MOB3B: variants seen among roughly 807,000 people sequenced by gnomAD.
MOB3B encodes MOB kinase activator 3B, also known as MOB kinase activator-like 2B.
A neutral mutation model predicts 18.7 loss-of-function variants in MOB3B; 7 were observed. That is an observed-to-expected ratio of 0.37 (90% CI 0.21 to 0.70). MOB3B has a LOEUF of 0.70. Among genes scored for constraint, MOB3B ranks in the 30% least tolerant of loss-of-function variants. The probability of loss-of-function intolerance (pLI) is 0.52; values close to 1 mark genes in which losing one functional copy is unlikely to be tolerated. For missense variants in MOB3B, 253 were observed against 281.3 expected (o/e 0.90, Z 0.72); for synonymous variants, 111 against 99.9 (o/e 1.11, Z -0.66).
In MOB3B at chr9:27,326,174, T is replaced by C. The variant is rs539514899; in HGVS notation, c.*4413A>G. ...AGTTTGGAGAAGGCATGAAATAAGTTCTTTTCATGTTCACTGCTGGTCACA... is the reference window on the plus strand; with the variant it reads ...AGTTTGGAGAAGGCATGAAATAAGTCCTTTTCATGTTCACTGCTGGTCACA... On this transcript the variant is annotated 3_prime_UTR_variant, in exon 4 of 4. Transcript: ENST00000262244. The C allele has an allele frequency of 6.5e-6, 2 of 309,110 alleles. No homozygotes were observed. The highest frequency in any genetic ancestry group is 1.0e-4 in the Admixed American group (2 of 20,004). 19.1% of individuals were successfully genotyped at this position (309,110 alleles called of 1,614,324 possible). A position where few individuals can be genotyped will look rare whatever the true frequency, so the allele number is the denominator to read the frequency against.
chr9:27,397,318 AG>A (rs1344658997), intron 2 of MOB3B: 13 of 152,280 alleles, frequency 8.5e-5, no homozygotes, highest in African/African-American at 2.9e-4. Context: ...AAAAAAAAAA[AG>A]ATCATCAAGA....
intron 1 of MOB3B, among the ~76,000 whole-genome samples, chr9:27,488,524 C>T (rs1819765254): frequency 1.3e-5 from 2 of 152,224 alleles, no homozygotes; most frequent in African/African-American, 4.8e-5. Flanking sequence ...TCTCCTGCCT[C>T]AGCCTCCTGA....
At chr9:27,406,727 C>T (rs1166790073) in intron 2 of MOB3B, among the ~76,000 whole-genome samples, 1 of 152,086 alleles carries the variant, frequency 6.6e-6, no homozygotes, top group Non-Finnish European at 1.5e-5. Flanking sequence ...TCATCACATA[C>T]AAAAATCAAA....
intron 2 of MOB3B, among the ~76,000 whole-genome samples, chr9:27,398,075 G>A (rs1482258523): frequency 1.3e-5 from 2 of 152,172 alleles, no homozygotes; most frequent in Non-Finnish European, 2.9e-5. Flanking sequence ...AGGAATCCCA[G>A]ATCAGCATTC....
chr9:27,517,303 AT>A (rs1820250320), intron 1 of MOB3B, among the ~76,000 whole-genome samples: 1 of 152,194 alleles, frequency 6.6e-6, no homozygotes, highest in African/African-American at 2.4e-5. Context: ...GATGATGATG[AT>A]AACTATCATT....
chr9:27,484,072 C>T (rs923361575), intron 1 of MOB3B, among the ~76,000 whole-genome samples: 3 of 152,190 alleles, frequency 2.0e-5, no homozygotes, highest in Non-Finnish European at 2.9e-5. Flanking sequence ...GTTCTTCCTG[C>T]ATCTTTGAGG....
chr9:27,471,107 C>A (rs772775259), intron 1 of MOB3B, among the ~76,000 whole-genome samples: 4 of 152,096 alleles, frequency 2.6e-5, no homozygotes, highest in Non-Finnish European at 4.4e-5. Context: ...ACCTGGGGTG[C>A]AAGTTTAAAA....
intron 2 of MOB3B, among the ~76,000 whole-genome samples, chr9:27,370,030 C>T (rs556760340): frequency 6.7e-6 from 1 of 150,006 alleles, no homozygotes; most frequent in East Asian, 2.0e-4. Flanking sequence ...GCATCGAATG[C>T]ATAGCAGAAC....
At chr9:27,401,952 C>A (rs1203177702) in intron 2 of MOB3B, among the ~76,000 whole-genome samples, 1 of 152,134 alleles carries the variant, frequency 6.6e-6, no homozygotes, top group South Asian at 2.1e-4. Flanking sequence ...AACAGCCTAG[C>A]GCATAATGTG....
chr9:27,526,870 T>A (rs568361729), intron 1 of MOB3B, among the ~76,000 whole-genome samples: 1 of 152,260 alleles, frequency 6.6e-6, no homozygotes, highest in Non-Finnish European at 1.5e-5. Context: ...ATATAAAATG[T>A]GAGTGGAGTG....
At chr9:27,347,620 G>C (rs1035835735) in intron 3 of MOB3B, among the ~76,000 whole-genome samples, 4 of 152,220 alleles carry the variant, frequency 2.6e-5, no homozygotes, top group African/African-American at 9.7e-5. Flanking sequence ...GATTCTGGGA[G>C]AAGGTATAGG....
At chr9:27,413,487 G>A (rs1031211409) in intron 2 of MOB3B, among the ~76,000 whole-genome samples, 1 of 152,162 alleles carries the variant, frequency 6.6e-6, no homozygotes, top group Non-Finnish European at 1.5e-5. Context: ...GTTGCATTTT[G>A]GTTGCTGCAC....
rs745368772 is a variant in MOB3B, at chr9:27,455,259, A to C, written c.292T>G (p.Tyr98Asp). Residue 98 changes from tyrosine to aspartate, a missense_variant, in exon 2 of 4, where the codon TAT becomes GAT. Tyr to Asp is a radical substitution (Grantham distance 160, BLOSUM62 -3). Transcript: ENST00000262244. ...PVMSGGPKYE[Y>D]RWQDDLKYKK... The stretch of plus-strand genomic sequence containing the variant: ...TACTTGAGATCATCCTGCCACCGAT[A>C]CTCATATTTGGGGCCCCCTGACATC... 6.2e-7 allele frequency: 1 copy of C among 1,613,898 alleles called. No homozygotes were observed. Among genetic ancestry groups the C allele is most frequent in the Non-Finnish European group, 8.5e-7 (1 of 1,179,938 alleles).
chr9:27,404,845 T>A (rs991667728), intron 2 of MOB3B, among the ~76,000 whole-genome samples: 45 of 152,266 alleles, frequency 3.0e-4, no homozygotes, highest in Non-Finnish European at 1.0e-4. Context: ...TCTGTACTGT[T>A]CTCCATAGTG....
chr9:27,431,976 C>T (rs1587209062), intron 2 of MOB3B, among the ~76,000 whole-genome samples: 1 of 152,150 alleles, frequency 6.6e-6, no homozygotes, highest in Non-Finnish European at 1.5e-5. Context: ...GAATATTGGC[C>T]TGGGAAGAAA....
chr9:27,418,607 G>A (rs1044440439), intron 2 of MOB3B, among the ~76,000 whole-genome samples: 13 of 152,162 alleles, frequency 8.5e-5, no homozygotes, highest in African/African-American at 3.1e-4. Context: ...AATAGATGCA[G>A]AAAAAGCATT....
intron 1 of MOB3B, among the ~76,000 whole-genome samples, chr9:27,491,113 C>T (rs1007320021): frequency 1.6e-4 from 25 of 151,842 alleles, no homozygotes; most frequent in Admixed American, 4.6e-4. Flanking sequence ...ATTATTTCTT[C>T]GGAACGATGA....
chr9:27,425,235 C>T (rs1205673091), intron 2 of MOB3B, among the ~76,000 whole-genome samples: 1 of 152,004 alleles, frequency 6.6e-6, no homozygotes, highest in Non-Finnish European at 1.5e-5. Flanking sequence ...ATTAGCCAGG[C>T]ATGATGGAGC....
intron 2 of MOB3B, among the ~76,000 whole-genome samples, chr9:27,449,041 G>T (rs1587223124): frequency 6.6e-6 from 1 of 152,280 alleles, no homozygotes; most frequent in East Asian, 1.9e-4. Flanking sequence ...GACATGAACA[G>T]GTTTAGTATT....
Sources: gnomAD v4.1 joint callset for allele counts (sites outside exome capture counted in the v4.1 genomes callset) on GRCh38, gnomAD v4.1.1 for gene constraint, MANE v1.5 for transcripts, NCBI Gene and HGNC (gene_info 2026-07-23, HGNC 2026-07-21) for gene names.